The following CPLX1 variants were observed in gnomAD, a reference collection of about 807,000 sequenced individuals.
The protein encoded by CPLX1 is complexin 1.
In CPLX1, 6 loss-of-function variants were observed where a neutral mutation model predicts 15.6. The observed-to-expected ratio is 0.39, with a 90% CI of 0.21 to 0.76. The LOEUF (loss-of-function observed/expected upper bound fraction) is 0.76. Ranked by LOEUF, CPLX1 falls within the 30% of genes least tolerant of loss-of-function variation. The pLI, the probability that CPLX1 is intolerant of heterozygous loss-of-function variation, is 0.43. For missense variants in CPLX1, 242 were observed against 188.6 expected (o/e 1.28, Z -1.66); for synonymous variants, 91 against 75.2 (o/e 1.21, Z -1.08).
chr4:803,220 G>A (rs1746489993), intron 2 of CPLX1, among the ~76,000 whole-genome samples: 1 of 152,252 alleles, frequency 6.6e-6, no homozygotes, highest in Non-Finnish European at 1.5e-5. Flanking sequence ...GTAAGACCGA[G>A]GGCATGACAC....
intron 2 of CPLX1, 76 bp from the exon 3 acceptor site, chr4:792,684 C>T (rs1746220571): frequency 1.3e-6 from 2 of 1,490,690 alleles, no homozygotes; most frequent in African/African-American, 1.4e-5. Context: ...CCACACTCCC[C>T]CACCTTCTGG....
At chr4:792,203 C>T (rs1463645256) in intron 3 of CPLX1, among the ~76,000 whole-genome samples, 1 of 152,236 alleles carries the variant, frequency 6.6e-6, no homozygotes. Context: ...CCTAGGAAGC[C>T]CGCCAGGGCT....
chr4:823,721 C>T (rs944817514), intron 2 of CPLX1, among the ~76,000 whole-genome samples: 6 of 152,248 alleles, frequency 3.9e-5, no homozygotes, highest in Admixed American at 1.3e-4. Flanking sequence ...ACCAGCATGG[C>T]CCAGGCCCTG....
chr4:788,259 G>A, intron 3 of CPLX1: 3 of 985,226 alleles, frequency 3.0e-6, no homozygotes, highest in Non-Finnish European at 3.6e-6. Context: ...ATGGAGGGGG[G>A]GCTGCCTGTG....
At chr4:814,354 A>G (rs2152647510) in intron 2 of CPLX1, among the ~76,000 whole-genome samples, 1 of 152,298 alleles carries the variant, frequency 6.6e-6, no homozygotes, top group Non-Finnish European at 1.5e-5. Flanking sequence ...CTTGGACTAC[A>G]GGTGCCTGCC....
At chr4:813,845 A>G (rs1337639441) in intron 2 of CPLX1, among the ~76,000 whole-genome samples, 1 of 152,208 alleles carries the variant, frequency 6.6e-6, no homozygotes, top group African/African-American at 2.4e-5. Context: ...TTTGCCCTAC[A>G]GGTAAGCCCA....
chr4:811,426 A>G (rs1235893233), intron 2 of CPLX1, among the ~76,000 whole-genome samples: 1 of 151,764 alleles, frequency 6.6e-6, no homozygotes, highest in Non-Finnish European at 1.5e-5. Flanking sequence ...GATTACAGAC[A>G]TGAGCCACTG....
intron 2 of CPLX1, among the ~76,000 whole-genome samples, chr4:809,223 T>G (rs1746613519): frequency 6.6e-6 from 1 of 152,176 alleles, no homozygotes; most frequent in African/African-American, 2.4e-5. Context: ...GGCGGGTGGC[T>G]CTCGCCACCC....
chr4:801,150 TA>T lies in CPLX1; in HGVS notation c.32-8543del, dbSNP rs61022531. 6.9e-3 allele frequency among the ~76,000 whole-genome samples: 904 copies of T among 131,620 alleles called. 3 individuals are homozygous for T. Among genetic ancestry groups the T allele is most frequent in the African/African-American group, 0.014 (492 of 35,672 alleles). 86.3% of individuals were successfully genotyped at this position (131,620 alleles called of 152,430 possible). Reference sequence around the variant, plus strand: ...TAACATGGTGAAACCCCATCTCTACTAAAAAAAAAAAAAATGCAAAAATTAG... The same window carrying T: ...TAACATGGTGAAACCCCATCTCTACTAAAAAAAAAAAAATGCAAAAATTAG... On this transcript the variant is annotated intron_variant, in intron 2 of 3. Transcript: ENST00000304062.
At chr4:808,113 T>G (rs1020438414) in intron 2 of CPLX1, among the ~76,000 whole-genome samples, 1 of 151,992 alleles carries the variant, frequency 6.6e-6, no homozygotes. Flanking sequence ...AAAAAAATTA[T>G]GAAAAATTCG....
Position 821,751 on chromosome 4 carries a change from G to A in CPLX1, c.31+2741C>T, listed in dbSNP as rs1215914503. Among the ~76,000 whole-genome samples the A allele has an allele frequency of 5.3e-5, 8 of 152,290 alleles. No homozygotes were observed. The South Asian group carries it at 1.0e-3, about 20-fold the overall frequency. On this transcript the variant is annotated intron_variant, in intron 2 of 3. Transcript: ENST00000304062. ...AGGAGCCTCCCGCTCCCCCACGAGC[G>A]ATCACCCCGGCAGCCACCATGCTCC... is the stretch of plus-strand genomic sequence containing the variant.
intron 3 of CPLX1, among the ~76,000 whole-genome samples, chr4:789,278 G>A (rs1490537373): frequency 2.6e-5 from 4 of 152,126 alleles, no homozygotes; most frequent in African/African-American, 9.7e-5. Context: ...CCGTGATGCT[G>A]GGCAGCAGCT....
chr4:809,321 C>T (rs369731352), intron 2 of CPLX1, among the ~76,000 whole-genome samples: 1 of 152,230 alleles, frequency 6.6e-6, no homozygotes, highest in South Asian at 2.1e-4. Context: ...GGGGTGGGGC[C>T]CGGCCAAAGC....
intron 2 of CPLX1, among the ~76,000 whole-genome samples, chr4:792,907 CTG>C (rs1048166621): frequency 6.6e-6 from 1 of 152,114 alleles, no homozygotes; most frequent in Non-Finnish European, 1.5e-5. Flanking sequence ...CTGTATGCAC[CTG>C]TGTGTGACTG....
At chr4:792,740 A>G (rs1349587758) in intron 2 of CPLX1, 132 bp from the exon 3 acceptor site, 3 of 877,492 alleles carry the variant, frequency 3.4e-6, no homozygotes, top group South Asian at 3.7e-5. Context: ...GGCTGCCCCC[A>G]CCACCCTCCA....
At chr4:787,655 C>T in intron 3 of CPLX1, 1 of 981,384 alleles carries the variant, frequency 1.0e-6, no homozygotes, top group Non-Finnish European at 1.2e-6. Flanking sequence ...CAGGGAAGGG[C>T]CCTCCCCCAG....
intron 2 of CPLX1, among the ~76,000 whole-genome samples, chr4:794,929 C>A (rs1292589849): frequency 1.3e-5 from 2 of 152,226 alleles, no homozygotes; most frequent in Non-Finnish European, 2.9e-5. Context: ...GCGCTCTGCT[C>A]CAGGGGTGCC....
At chr4:821,013 C>A (rs1488141139) in intron 2 of CPLX1, among the ~76,000 whole-genome samples, 2 of 152,168 alleles carry the variant, frequency 1.3e-5, no homozygotes, top group Non-Finnish European at 2.9e-5. Flanking sequence ...CTCCCCCTCA[C>A]GCCAAACCCA....
chr4:788,253 AG>A (rs936887651), intron 3 of CPLX1: 14 of 985,006 alleles, frequency 1.4e-5, no homozygotes, highest in African/African-American at 3.5e-5. Flanking sequence ...TCCCAAATGG[AG>A]GGGGGGCTGC....
Sources: gnomAD v4.1 joint callset for allele counts (sites outside exome capture counted in the v4.1 genomes callset) on GRCh38, gnomAD v4.1.1 for gene constraint, MANE v1.5 for transcripts, NCBI Gene and HGNC (gene_info 2026-07-23, HGNC 2026-07-21) for gene names.